Variants in ENO4 observed in about 807,000 individuals in gnomAD.
ENO4 encodes enolase 4.
ENO4 carries 53 observed loss-of-function variants against 63.2 expected under a neutral mutation model. The observed-to-expected ratio is 0.84, with a 90% confidence interval of 0.67 to 1.05. The LOEUF (loss-of-function observed/expected upper bound fraction) is 1.05, where lower values mean the gene tolerates loss of function less well. Ranked by LOEUF, ENO4 falls within the 50% of genes least tolerant of loss-of-function variation. ENO4 has a pLI of 0.00. For synonymous variants in ENO4, 266 were observed against 283.8 expected, an observed-to-expected ratio of 0.94 and a Z score of 0.63; for missense variants, 719 against 772.0, an observed-to-expected ratio of 0.93 and a Z score of 0.81.
At chr10:116,851,160 C>T (rs1053910521) in intron 1 of ENO4, among the ~76,000 whole-genome samples, 1 of 152,186 alleles carries the variant, frequency 6.6e-6, no homozygotes, top group Admixed American at 6.5e-5. Context: ...ATTAGGCAGC[C>T]AGGATATTCG....
chr10:116,906,745 C>T, intron 10 of ENO4: 4 of 1,606,528 alleles, frequency 2.5e-6, no homozygotes, highest in Non-Finnish European at 3.4e-6. Context: ...TGTTAAGTGT[C>T]CCCTAAAGTG....
intron 1 of ENO4, 49 bp downstream of exon 1, chr10:116,849,780 G>A (rs1050192157): frequency 1.9e-5 from 28 of 1,459,564 alleles, no homozygotes; most frequent in East Asian, 7.7e-5. Flanking sequence ...CTCTCCCCCC[G>A]CCCCGCGCTG....
At chr10:116,879,069 A>T (rs1412582035) in intron 11 of ENO4, among the ~76,000 whole-genome samples, 1 of 152,154 alleles carries the variant, frequency 6.6e-6, no homozygotes, top group Non-Finnish European at 1.5e-5. Context: ...TTAATGAAAC[A>T]CAGTATTCAT....
In ENO4 at chr10:116,856,498, T is replaced by C; in HGVS notation, c.301T>C (p.Cys101Arg). 5.9e-6 allele frequency: 9 copies of C among 1,535,488 alleles called. No homozygotes were observed. The highest frequency in any genetic ancestry group is 2.4e-5 in the East Asian group (1 of 40,884). ...CTIQNFPKNV[C>R]SVVISTHFEV... is the part of the protein sequence containing the mutation. ...ACATTTATATGATTTTCAGAACGTA[T>C]GTTCTGTGGTGATCTCGACTCATTT... Residue 101 changes from cysteine to arginine, a missense_variant, in exon 3 of 14, where the codon TGT becomes CGT. Cys to Arg is a radical substitution (Grantham distance 180, BLOSUM62 -3). This residue lies in a region of ENO4 where 544 missense variants were observed against 583.6 expected (regional missense o/e 0.93). Transcript: ENST00000341276.
At chr10:116,874,307 CAG>C (rs1488018557) in intron 10 of ENO4, 106 bp downstream of exon 10, 14 of 997,358 alleles carry the variant, frequency 1.4e-5, no homozygotes, top group Middle Eastern at 2.5e-4. Context: ...TATAACAAAA[CAG>C]AGAATAAAAT....
intron 7 of ENO4, among the ~76,000 whole-genome samples, chr10:116,865,499 G>A (rs1288439334): frequency 1.3e-5 from 2 of 152,048 alleles, no homozygotes; most frequent in African/African-American, 4.8e-5. Flanking sequence ...CTTTATATAC[G>A]GTAGACCTAT....
At chr10:116,876,295 G>A (rs1846831957) in intron 11 of ENO4, 35 bp downstream of exon 11, 1 of 1,469,304 alleles carries the variant, frequency 6.8e-7, no homozygotes, top group African/African-American at 1.4e-5. Flanking sequence ...GACTCGTAAT[G>A]ACTTGGTTAT....
downstream of ENO4, chr10:116,886,433 G>T: frequency 5.6e-6 from 9 of 1,610,152 alleles, no homozygotes; most frequent in Non-Finnish European, 7.6e-6. Context: ...TCCTTGTGTT[G>T]AGTTGGATCT....
rs1029880905 is a variant in ENO4, at chr10:116,911,640, C to A, written c.*68C>A. 7 of 1,558,826 alleles carry A rather than the reference C, an allele frequency of 4.5e-6. No homozygotes were observed. The African/African-American group carries it at 9.5e-5, about 21-fold the overall frequency. On this transcript the variant is annotated 3_prime_UTR_variant, in exon 11 of 11. Transcript: ENST00000369207. ...TTATTAACATATGTGATGGAGCAGT[C>A]TGTAAGCACGATCAAATAAACTGGC...
chr10:116,901,924 T>C, intron 10 of ENO4: 1 of 1,604,206 alleles, frequency 6.2e-7, no homozygotes, highest in Non-Finnish European at 8.5e-7. Flanking sequence ...TGGCATGGAT[T>C]TGGACTCTGA....
chr10:116,886,154 G>C, downstream of ENO4: 3 of 772,208 alleles, frequency 3.9e-6, no homozygotes, highest in Admixed American at 9.1e-5. Flanking sequence ...AAACCTACTA[G>C]GAATGTGTGT....
intron 11 of ENO4, among the ~76,000 whole-genome samples, chr10:116,878,990 GC>G (rs754714266): frequency 1.3e-5 from 2 of 152,068 alleles, no homozygotes; most frequent in Non-Finnish European, 2.9e-5. Context: ...TGATCCACCT[GC>G]CTTGGCCTCC....
At chr10:116,910,394 T>G (rs1848143585) in intron 10 of ENO4, among the ~76,000 whole-genome samples, 1 of 152,212 alleles carries the variant, frequency 6.6e-6, no homozygotes, top group African/African-American at 2.4e-5. Context: ...GTCTTAAAAT[T>G]TTTTATAACT....
At chr10:116,873,828 G>C (rs922334420) in intron 9 of ENO4, 3 of 981,572 alleles carry the variant, frequency 3.1e-6, no homozygotes, top group Non-Finnish European at 2.4e-6. Context: ...TTTTGTGTAG[G>C]AAGCTGCATC....
intron 3 of ENO4, among the ~76,000 whole-genome samples, chr10:116,858,004 T>C (rs917781781): frequency 3.9e-5 from 6 of 152,170 alleles, no homozygotes; most frequent in African/African-American, 7.2e-5. Context: ...ATTCCTTTTT[T>C]TTCCCCCTTC....
chr10:116,885,394 C>A (rs1847135385), downstream of ENO4: 1 of 152,418 alleles, frequency 6.6e-6, no homozygotes, highest in Non-Finnish European at 1.5e-5. Flanking sequence ...TATTTATTCA[C>A]TGTGGTAGCC....
At position 116,874,083 on chromosome 10, in the gene ENO4, G is replaced by T; in HGVS notation, c.1223G>T (p.Gly408Val). Reference protein sequence around the residue: ...AGHELMDYNKGKYEVIMGTYK... With the variant: ...AGHELMDYNKVKYEVIMGTYK... The stretch of plus-strand genomic sequence containing the variant: ...TTTCCTGACACATATCAGAATAAAG[G>T]AAAGTATGAAGTGATCATGGGCACA... The change falls in exon 10 of 14, where the codon GGA becomes GTA. Residue 408 changes from glycine to valine, a missense_variant. Physicochemically the swap from Gly to Val is moderately radical, Grantham distance 109 (BLOSUM62 -3). This residue lies in a region of ENO4 where 544 missense variants were observed against 583.6 expected (regional missense o/e 0.93). Transcript: ENST00000341276. 1 of 1,543,624 alleles carries T rather than the reference G, an allele frequency of 6.5e-7. No homozygotes were observed.
At chr10:116,908,483 TACA>T (rs747821180) in intron 10 of ENO4, among the ~76,000 whole-genome samples, 8 of 152,186 alleles carry the variant, frequency 5.3e-5, no homozygotes, top group Non-Finnish European at 1.0e-4. Flanking sequence ...AAAAAAGTAC[TACA>T]ACAACTATTC....
downstream of ENO4, among the ~76,000 whole-genome samples, chr10:116,886,889 T>A (rs1847181536): frequency 6.6e-6 from 1 of 152,326 alleles, no homozygotes; most frequent in South Asian, 2.1e-4. Context: ...AACTGTGAAC[T>A]TCTCACAGCC....
Sources: allele counts gnomAD v4.1 joint callset (sites outside exome capture counted in the v4.1 genomes callset), GRCh38; gene constraint gnomAD v4.1.1; regional missense constraint gnomAD v4.1.1; transcripts MANE v1.5; gene names NCBI Gene and HGNC (gene_info 2026-07-23, HGNC 2026-07-21).